Variants in PCSK6 observed in about 807,000 individuals in gnomAD.
The protein encoded by PCSK6 is proprotein convertase subtilisin/kexin type 6.
PCSK6 carries 85 observed loss-of-function variants against 123.3 expected under a neutral mutation model. The observed-to-expected ratio is 0.69, with a 90% CI of 0.58 to 0.83. The LOEUF (loss-of-function observed/expected upper bound fraction) is 0.83. Among genes scored for constraint, PCSK6 ranks in the 40% least tolerant of loss-of-function variants. The probability of loss-of-function intolerance (pLI) is 0.00; values close to 1 mark genes in which losing one functional copy is unlikely to be tolerated. For missense variants in PCSK6, 1,191 were observed against 1,282.3 expected (o/e 0.93, Z 1.09); for synonymous variants, 508 against 516.0 (o/e 0.98, Z 0.21).
At chr15:101,465,486 G>T (rs1465096184) in intron 1 of PCSK6, among the ~76,000 whole-genome samples, 1 of 152,164 alleles carries the variant, frequency 6.6e-6, no homozygotes, top group Non-Finnish European at 1.5e-5. Flanking sequence ...ACACACCCAG[G>T]AACGGCTGAG....
chr15:101,392,593 C>CTTTTTTTTTTTT lies in PCSK6; in HGVS notation c.1209+607_1209+618dup, dbSNP rs10525638. On this transcript the variant is annotated intron_variant, in intron 8 of 21. Transcript: ENST00000611716. ...TTTGAACTGGAAACCCTCCCTTCCT[C>CTTTTTTTTTTTT]TTTTTTTTTTTTTTTTTAAGTAGGA... Among the ~76,000 whole-genome samples the CTTTTTTTTTTTT allele has an allele frequency of 5.2e-3, 636 of 122,240 alleles. 31 individuals are homozygous for CTTTTTTTTTTTT. The highest frequency in any genetic ancestry group is 0.016 in the African/African-American group (497 of 30,388). 80.2% of individuals were successfully genotyped at this position (122,240 alleles called of 152,430 possible).
intron 13 of PCSK6, 24 bp from the exon 14 acceptor site, chr15:101,332,055 G>C (rs765593498): frequency 1.9e-5 from 29 of 1,567,236 alleles, no homozygotes; most frequent in Non-Finnish European, 2.4e-5. Context: ...AACCCACAGA[G>C]TTACCTGCCT....
At chr15:101,363,438 C>T (rs1488073396) in intron 13 of PCSK6, among the ~76,000 whole-genome samples, 2 of 152,248 alleles carry the variant, frequency 1.3e-5, no homozygotes, top group Non-Finnish European at 2.9e-5. Context: ...GGCATGAGAA[C>T]TCTGCCTTGT....
At chr15:101,479,938 T>C (rs1247937996) in intron 1 of PCSK6, among the ~76,000 whole-genome samples, 1 of 152,190 alleles carries the variant, frequency 6.6e-6, no homozygotes, top group East Asian at 1.9e-4. Flanking sequence ...TCTTAGACTG[T>C]CCGCCTGTGG....
At position 101,341,989 on chromosome 15, in the gene PCSK6, G is replaced by T. The variant is rs556244637; in HGVS notation, c.1859-9958C>A. The stretch of plus-strand genomic sequence containing the variant: ...TACTGAAAATACAAAAATTAGCCGG[G>T]CGCGGTGGTGCATGCCTGTAATCCC... On this transcript the variant is annotated intron_variant, in intron 13 of 21. Coordinates refer to ENST00000611716, the MANE Select transcript of PCSK6 (RefSeq NM_002570.5). Among the ~76,000 whole-genome samples, 5 of 152,044 alleles carry T rather than the reference G, an allele frequency of 3.3e-5. No homozygotes were observed. The South Asian group carries it at 1.0e-3, about 32-fold the overall frequency.
chr15:101,429,021 C>T (rs1295210329), intron 5 of PCSK6, among the ~76,000 whole-genome samples: 2 of 152,230 alleles, frequency 1.3e-5, no homozygotes, highest in Non-Finnish European at 2.9e-5. Context: ...CTGTGTGGAA[C>T]TCCAGTGGCC....
chr15:101,328,047 C>G (rs989067054), intron 15 of PCSK6, among the ~76,000 whole-genome samples: 1 of 152,218 alleles, frequency 6.6e-6, no homozygotes, highest in Non-Finnish European at 1.5e-5. Flanking sequence ...CCCACCTCAT[C>G]CTGGGTCATC....
intron 1 of PCSK6, among the ~76,000 whole-genome samples, chr15:101,466,529 C>A (rs765115464): frequency 6.6e-6 from 1 of 152,168 alleles, no homozygotes; most frequent in Non-Finnish European, 1.5e-5. Context: ...CATACGTCCA[C>A]ATACAACTTG....
chr15:101,451,367 G>A (rs192424654), intron 1 of PCSK6, among the ~76,000 whole-genome samples: 1 of 152,236 alleles, frequency 6.6e-6, no homozygotes, highest in Non-Finnish European at 1.5e-5. Flanking sequence ...TAGCCCTCGA[G>A]CAGGCTGCGT....
At chr15:101,363,634 C>CTT (rs35985370) in intron 13 of PCSK6, among the ~76,000 whole-genome samples, 3 of 140,140 alleles carry the variant, frequency 2.1e-5, no homozygotes, top group Admixed American at 7.0e-5. Context: ...TGTTATAACA[C>CTT]TTTTTTTTTT....
rs367577442 is a variant in PCSK6, at chr15:101,382,166, G to A, written c.1458C>T (p.Leu486=). 9.3e-6 allele frequency: 15 copies of A among 1,613,034 alleles called. No individual in the cohort carries two copies. Among genetic ancestry groups the A allele is most frequent in the Non-Finnish European group, 1.0e-5 (12 of 1,179,602 alleles). The stretch of plus-strand genomic sequence containing the variant: ...CTGTCCACTTCTTTGCCTCCACAAC[G>A]AGAGCTTCTGCGTCCACCAAACCAA... ...YGFGLVDAEA[L]VVEAKKWTAV... is the part of the protein sequence containing the mutation. The change falls in exon 11 of 22, where the codon CTC becomes CTT. Residue 486 remains leucine, a synonymous_variant. Coordinates refer to ENST00000611716, the MANE Select transcript of PCSK6 (RefSeq NM_002570.5).
intron 1 of PCSK6, among the ~76,000 whole-genome samples, chr15:101,468,740 G>A (rs1831608946): frequency 1.3e-5 from 2 of 152,194 alleles, no homozygotes; most frequent in African/African-American, 2.4e-5. Flanking sequence ...ATGGACTGCT[G>A]TTAGGTATCC....
At chr15:101,459,310 C>T (rs1050739418) in intron 1 of PCSK6, among the ~76,000 whole-genome samples, 3 of 152,124 alleles carry the variant, frequency 2.0e-5, no homozygotes, top group Non-Finnish European at 4.4e-5. Context: ...AGTGTCCAGG[C>T]TCTCCCTTTT....
intron 1 of PCSK6, among the ~76,000 whole-genome samples, chr15:101,487,485 G>A (rs973203683): frequency 5.3e-5 from 8 of 152,182 alleles, no homozygotes; most frequent in African/African-American, 9.7e-5. Flanking sequence ...TCAAAGGGGC[G>A]GCATGGCCAA....
intron 1 of PCSK6, among the ~76,000 whole-genome samples, chr15:101,474,015 G>A (rs2057667834): frequency 6.6e-6 from 1 of 152,154 alleles, no homozygotes; most frequent in South Asian, 2.1e-4. Flanking sequence ...CTTGGCTAAC[G>A]GCATCATATT....
chr15:101,401,484 C>T (rs2141585207), intron 6 of PCSK6, among the ~76,000 whole-genome samples: 1 of 152,356 alleles, frequency 6.6e-6, no homozygotes, highest in South Asian at 2.1e-4. Context: ...GCCTCGACGC[C>T]TGCTCCCAAG....
At chr15:101,385,970 G>A (rs1016833878) in intron 9 of PCSK6, among the ~76,000 whole-genome samples, 15 of 151,952 alleles carry the variant, frequency 9.9e-5, no homozygotes, top group African/African-American at 2.9e-4. Flanking sequence ...AAGAATAAAC[G>A]AACATCTCTC....
At chr15:101,485,694 C>T (rs1188858067) in intron 1 of PCSK6, among the ~76,000 whole-genome samples, 1 of 152,202 alleles carries the variant, frequency 6.6e-6, no homozygotes, top group Admixed American at 6.5e-5. Context: ...AGTTCCCACA[C>T]ATGCTTGGGT....
intron 20 of PCSK6, among the ~76,000 whole-genome samples, chr15:101,310,725 C>T (rs1165790879): frequency 6.6e-6 from 1 of 151,982 alleles, no homozygotes; most frequent in East Asian, 1.9e-4. Context: ...GGTGGTCCCT[C>T]ATGGGCTCAC....
Sources: allele counts gnomAD v4.1 joint callset (sites outside exome capture counted in the v4.1 genomes callset), GRCh38; gene constraint gnomAD v4.1.1; transcripts MANE v1.5; gene names NCBI Gene and HGNC (gene_info 2026-07-23, HGNC 2026-07-21).